Variants in TMOD2 observed in about 807,000 individuals in gnomAD.
The protein encoded by TMOD2 is tropomodulin-2.
TMOD2 carries 22 observed loss-of-function variants against 39.9 expected under a neutral mutation model. The observed-to-expected ratio is 0.55, with a 90% CI of 0.39 to 0.79. TMOD2 has a LOEUF of 0.79. TMOD2 is among the 30% of genes least tolerant of loss of function. The pLI is 0.00. For missense variants in TMOD2, 386 were observed against 413.3 expected, an observed-to-expected ratio of 0.93 and a Z score of 0.57; for synonymous variants, 123 against 146.1, an observed-to-expected ratio of 0.84 and a Z score of 1.14.
chr15:51,803,232 G>A (rs1430191252), intron 8 of TMOD2, among the ~76,000 whole-genome samples: 2 of 145,258 alleles, frequency 1.4e-5, no homozygotes, highest in East Asian at 2.1e-4. Flanking sequence ...CCAGGCTGGA[G>A]TGCAGTGGCG....
At chr15:51,804,234 G>C (rs2056107820) in intron 8 of TMOD2, among the ~76,000 whole-genome samples, 1 of 152,218 alleles carries the variant, frequency 6.6e-6, no homozygotes, top group Non-Finnish European at 1.5e-5. Context: ...AATACACTAT[G>C]ATCCATCACT....
intron 7 of TMOD2, among the ~76,000 whole-genome samples, chr15:51,785,638 G>A (rs1226672954): frequency 6.6e-6 from 1 of 152,068 alleles, no homozygotes; most frequent in Non-Finnish European, 1.5e-5. Flanking sequence ...TCTCATGGAG[G>A]TAAAGAGTAG....
chr15:51,785,184 G>A lies in TMOD2; in HGVS notation c.732+2356G>A, dbSNP rs574612809. Among the ~76,000 whole-genome samples, 22 of 151,422 alleles carry A rather than the reference G, an allele frequency of 1.5e-4. No individual in the cohort carries two copies. In the South Asian group the frequency reaches 1.5e-3, roughly 10 times the overall value. On this transcript the variant is annotated intron_variant, in intron 7 of 9. Coordinates refer to ENST00000249700, the MANE Select transcript of TMOD2 (RefSeq NM_014548.4). ...TCCCAGCACTTTGGGAGGCCGAGGC[G>A]GGTGGATCATGAGGTCAGGAGATCG...
rs143802777 is a variant in TMOD2, at chr15:51,807,525, G to A, written c.1022-895G>A. On this transcript the variant is annotated intron_variant, in intron 9 of 9. Coordinates refer to ENST00000249700, the MANE Select transcript of TMOD2 (RefSeq NM_014548.4). ...GCCAAGGGACAGACAGGCAAATAGG[G>A]ATTTGGGGAAGAGTGGAAGCAGCAA... Among the ~76,000 whole-genome samples, 638 of 152,264 alleles carry A rather than the reference G, an allele frequency of 4.2e-3. 5 individuals are homozygous for A. The highest frequency in any genetic ancestry group is 0.041 in the Middle Eastern group (12 of 294).
chr15:51,792,721 G>T (rs1015187314), intron 7 of TMOD2, among the ~76,000 whole-genome samples: 2 of 152,332 alleles, frequency 1.3e-5, no homozygotes, highest in African/African-American at 4.8e-5. Flanking sequence ...GCAGGGACAT[G>T]AATGAAGCTG....
At position 51,777,002 on chromosome 15, in the gene TMOD2, C is replaced by A. The variant is rs1024548486; in HGVS notation, c.477C>A (p.Gly159=). The A allele has an allele frequency of 1.2e-6, 2 of 1,613,702 alleles. No homozygotes were observed. Among genetic ancestry groups the A allele is most frequent in the Admixed American group, 3.3e-5 (2 of 60,018 alleles). Residue 159 remains glycine (G), a synonymous_variant, in exon 5 of 10, where the codon GGC becomes GGA. Transcript: ENST00000249700. ...FDEETANNKG[G]KGPVRNVVKG... ...AAGAAACAGCCAACAATAAAGGTGGCAAAGGACCTGTCAGAAGTAAGTTGA... is the reference window on the plus strand; with the variant it reads ...AAGAAACAGCCAACAATAAAGGTGGAAAAGGACCTGTCAGAAGTAAGTTGA...
chr15:51,812,547 T>C lies in TMOD2; in HGVS notation c.*4093T>C, dbSNP rs2056162921. ...CACTACGAAGAAGACAGAGGAAGCA[T>C]AAAAATTCTGGACTAATATAATTTT... On this transcript the variant is annotated 3_prime_UTR_variant, in exon 10 of 10. Coordinates refer to ENST00000249700, the MANE Select transcript of TMOD2 (RefSeq NM_014548.4). 1 of 152,326 alleles carries C rather than the reference T, an allele frequency of 6.6e-6. No homozygotes were observed. Among genetic ancestry groups the C allele is most frequent in the Non-Finnish European group, 1.5e-5 (1 of 68,020 alleles). 9.4% of individuals were successfully genotyped at this position (152,326 alleles called of 1,614,324 possible).
intron 9 of TMOD2, among the ~76,000 whole-genome samples, chr15:51,808,005 A>G (rs1453257729): frequency 1.3e-5 from 2 of 152,250 alleles, no homozygotes; most frequent in East Asian, 3.8e-4. Flanking sequence ...AACTATTTGC[A>G]GCTCCTTCCA....
chr15:51,807,220 A>C (rs1691877644), intron 9 of TMOD2, among the ~76,000 whole-genome samples: 1 of 152,236 alleles, frequency 6.6e-6, no homozygotes, highest in South Asian at 2.1e-4. Flanking sequence ...AGCAGGCTTC[A>C]ATCCCCAGTT....
At chr15:51,771,380 A>G (rs542036714) in intron 3 of TMOD2, among the ~76,000 whole-genome samples, 1 of 152,182 alleles carries the variant, frequency 6.6e-6, no homozygotes, top group South Asian at 2.1e-4. Flanking sequence ...CCTGGGCTAC[A>G]TTTTACTCTG....
chr15:51,790,729 C>T (rs2056005141), intron 7 of TMOD2, among the ~76,000 whole-genome samples: 2 of 152,288 alleles, frequency 1.3e-5, no homozygotes, highest in African/African-American at 4.8e-5. Context: ...TAATCCATCA[C>T]ATAAACAAAA....
chr15:51,802,415 T>G (rs1304139249), intron 8 of TMOD2, among the ~76,000 whole-genome samples: 2 of 152,182 alleles, frequency 1.3e-5, no homozygotes, highest in Non-Finnish European at 2.9e-5. Flanking sequence ...AATAGAACAT[T>G]CAAATCAAGG....
intron 4 of TMOD2, among the ~76,000 whole-genome samples, chr15:51,775,206 G>C (rs1308647328): frequency 1.3e-5 from 2 of 152,226 alleles, no homozygotes; most frequent in Admixed American, 1.3e-4. Flanking sequence ...CTTCAAGGGA[G>C]TGGTAGTTGA....
intron 3 of TMOD2, among the ~76,000 whole-genome samples, chr15:51,769,468 C>G (rs1361410070): frequency 6.6e-6 from 1 of 152,178 alleles, no homozygotes; most frequent in African/African-American, 2.4e-5. Context: ...AGACCCTGCC[C>G]TGCCCTCAAG....
intron 1 of TMOD2, among the ~76,000 whole-genome samples, chr15:51,765,576 C>T (rs1363343312): frequency 6.6e-6 from 1 of 152,092 alleles, no homozygotes; most frequent in Non-Finnish European, 1.5e-5. Flanking sequence ...TATTATCTTT[C>T]TAAGGAAGAT....
At chr15:51,780,334 C>T (rs1648390387) in intron 5 of TMOD2, among the ~76,000 whole-genome samples, 1 of 152,156 alleles carries the variant, frequency 6.6e-6, no homozygotes, top group African/African-American at 2.4e-5. Flanking sequence ...AATGTTACCT[C>T]GTTTCACACT....
At chr15:51,775,975 T>C (rs1461959301) in intron 4 of TMOD2, among the ~76,000 whole-genome samples, 2 of 152,190 alleles carry the variant, frequency 1.3e-5, no homozygotes, top group African/African-American at 4.8e-5. Flanking sequence ...TAAAGTATAA[T>C]TATTATCCCT....
At chr15:51,762,317 G>A (rs1051241238) in intron 1 of TMOD2, among the ~76,000 whole-genome samples, 25 of 152,004 alleles carry the variant, frequency 1.6e-4, no homozygotes, top group Middle Eastern at 3.4e-3. Context: ...AAAATAGCCC[G>A]GCATGGTGGT....
At chr15:51,800,117 A>G (rs1487374417) in intron 8 of TMOD2, among the ~76,000 whole-genome samples, 1 of 152,270 alleles carries the variant, frequency 6.6e-6, no homozygotes, top group African/African-American at 2.4e-5. Context: ...TTTATCAGAA[A>G]GTCAAACTTA....
Sources: allele counts gnomAD v4.1 joint callset (sites outside exome capture counted in the v4.1 genomes callset), GRCh38; gene constraint gnomAD v4.1.1; transcripts MANE v1.5; gene names NCBI Gene and HGNC (gene_info 2026-07-23, HGNC 2026-07-21).